The following B3GALT1 variants were observed in gnomAD, a reference collection of about 807,000 sequenced individuals.
B3GALT1 encodes the protein beta-1,3-galactosyltransferase 1, also known as UDP-Gal:betaGlcNAc beta 1,3-galactosyltransferase, polypeptide 1.
A neutral mutation model predicts 23.2 loss-of-function variants in B3GALT1; 10 were observed. The observed-to-expected ratio is 0.43, with a 90% CI of 0.27 to 0.73. The LOEUF (loss-of-function observed/expected upper bound fraction) is 0.73, where lower values mean the gene tolerates loss of function less well. Among genes scored for constraint, B3GALT1 ranks in the 30% least tolerant of loss-of-function variants. The pLI is 0.21. For missense variants in B3GALT1, 299 were observed against 405.4 expected, an observed-to-expected ratio of 0.74 and a Z score of 2.25; for synonymous variants, 156 against 141.5, an observed-to-expected ratio of 1.10 and a Z score of -0.73.
chr2:167,433,130 T>C (rs1698729655), intron 1 of B3GALT1, among the ~76,000 whole-genome samples: 1 of 152,246 alleles, frequency 6.6e-6, no homozygotes, highest in African/African-American at 2.4e-5. Flanking sequence ...CACTAATGGC[T>C]TTACGGCCTT....
intron 1 of B3GALT1, among the ~76,000 whole-genome samples, chr2:167,335,561 G>A (rs575485528): frequency 6.6e-6 from 1 of 152,142 alleles, no homozygotes; most frequent in Non-Finnish European, 1.5e-5. Flanking sequence ...CCGGGGAAGG[G>A]GGTGGGCAGT....
chr2:167,335,950 A>G (rs532808262), intron 1 of B3GALT1, among the ~76,000 whole-genome samples: 1 of 152,296 alleles, frequency 6.6e-6, no homozygotes, highest in South Asian at 2.1e-4. Flanking sequence ...CTCTGACAGT[A>G]TCAGATACTG....
intron 3 of B3GALT1, among the ~76,000 whole-genome samples, chr2:167,708,546 A>C (rs1041052038): frequency 1.1e-4 from 17 of 152,208 alleles, no homozygotes; most frequent in African/African-American, 3.4e-4. Flanking sequence ...CTGTAATCCT[A>C]GCTACTCAGG....
intron 1 of B3GALT1, among the ~76,000 whole-genome samples, chr2:167,449,365 A>T (rs1699052859): frequency 1.3e-5 from 2 of 152,004 alleles, no homozygotes; most frequent in African/African-American, 4.8e-5. Flanking sequence ...AAGCTATTGT[A>T]AAAGGTGTTG....
At chr2:167,340,335 ACAG>A (rs1284171106) in intron 1 of B3GALT1, among the ~76,000 whole-genome samples, 4 of 140,676 alleles carry the variant, frequency 2.8e-5, no homozygotes, top group African/African-American at 1.0e-4. Flanking sequence ...AAAAAAAAAA[ACAG>A]AGCTTTTGGC....
rs77375863 is a variant in B3GALT1, at chr2:167,488,275, G to C, written c.-510-1902G>C. On this transcript the variant is annotated intron_variant, in intron 1 of 4. Transcript: ENST00000392690. The stretch of plus-strand genomic sequence containing the variant: ...TTCATTCTGTTTTGATGCAACTCTT[G>C]GTTAAAATATAGGCCTTCTCCCAAT... Among the ~76,000 whole-genome samples, 827 of 152,248 alleles carry C rather than the reference G, an allele frequency of 5.4e-3. 8 individuals carry two copies. The highest frequency in any genetic ancestry group is 0.019 in the African/African-American group (799 of 41,548).
intron 3 of B3GALT1, among the ~76,000 whole-genome samples, chr2:167,759,376 C>T (rs936338570): frequency 1.3e-5 from 2 of 152,152 alleles, no homozygotes; most frequent in Non-Finnish European, 2.9e-5. Flanking sequence ...TGGGTTGAAC[C>T]GCTACATAGT....
At chr2:167,664,099 A>G (rs1476542831) in intron 3 of B3GALT1, among the ~76,000 whole-genome samples, 1 of 150,892 alleles carries the variant, frequency 6.6e-6, no homozygotes, top group Admixed American at 6.6e-5. Flanking sequence ...TTTTAGGTCT[A>G]ACGTTTAAGT....
chr2:167,638,321 G>T (rs978525186), intron 2 of B3GALT1, among the ~76,000 whole-genome samples: 7 of 152,080 alleles, frequency 4.6e-5, no homozygotes, highest in Non-Finnish European at 7.4e-5. Context: ...TGGCATGGCA[G>T]TCATATTTCA....
In B3GALT1 at chr2:167,489,562, T is replaced by C. The variant is rs530394661; in HGVS notation, c.-510-615T>C. On this transcript the variant is annotated intron_variant, in intron 1 of 4. Transcript: ENST00000392690. ...CTTGCGAGTTCCAGAAAAGAATGCCTGAGACTTTGTGTTGTTGGAAGGCTA... is the reference window on the plus strand; with the variant it reads ...CTTGCGAGTTCCAGAAAAGAATGCCCGAGACTTTGTGTTGTTGGAAGGCTA... 1.5e-3 allele frequency among the ~76,000 whole-genome samples: 232 copies of C among 152,290 alleles called. 1 individual carries two copies. Among genetic ancestry groups the C allele is most frequent in the Non-Finnish European group, 2.9e-3 (197 of 68,020 alleles).
intron 3 of B3GALT1, among the ~76,000 whole-genome samples, chr2:167,749,902 C>G (rs1050121374): frequency 6.6e-6 from 1 of 152,196 alleles, no homozygotes; most frequent in Non-Finnish European, 1.5e-5. Flanking sequence ...TGTATTTACA[C>G]CTATTTGCAT....
chr2:167,364,638 G>A (rs914618942), intron 1 of B3GALT1, among the ~76,000 whole-genome samples: 11 of 152,008 alleles, frequency 7.2e-5, no homozygotes, highest in African/African-American at 1.4e-4. Context: ...GGTTTCCAGC[G>A]TCATCCATGT....
chr2:167,754,611 A>T (rs1464875905), intron 3 of B3GALT1, among the ~76,000 whole-genome samples: 1 of 152,194 alleles, frequency 6.6e-6, no homozygotes, highest in Non-Finnish European at 1.5e-5. Context: ...TTAGAGTACC[A>T]AAAGAGAGGA....
chr2:167,589,182 A>T (rs1450095599), intron 2 of B3GALT1, among the ~76,000 whole-genome samples: 1 of 152,078 alleles, frequency 6.6e-6, no homozygotes, highest in Non-Finnish European at 1.5e-5. Context: ...CTGGGCTCAA[A>T]CAATCCTCCC....
intron 1 of B3GALT1, among the ~76,000 whole-genome samples, chr2:167,445,239 A>G (rs941090259): frequency 3.9e-5 from 6 of 152,276 alleles, no homozygotes; most frequent in African/African-American, 1.4e-4. Flanking sequence ...ACAGTTTGTT[A>G]TAATTTCTGT....
intron 3 of B3GALT1, among the ~76,000 whole-genome samples, chr2:167,661,244 T>C (rs1187945003): frequency 1.3e-5 from 2 of 152,152 alleles, no homozygotes; most frequent in African/African-American, 2.4e-5. Flanking sequence ...TAGTATTTTA[T>C]TGAAGATGCT....
chr2:167,447,419 GTTT>G (rs1221974192), intron 1 of B3GALT1, among the ~76,000 whole-genome samples: 1 of 152,214 alleles, frequency 6.6e-6, no homozygotes, highest in Non-Finnish European at 1.5e-5. Context: ...GTCTGCAGAA[GTTT>G]CTGCTACCTT....
At chr2:167,570,505 C>T (rs1684272916) in intron 2 of B3GALT1, among the ~76,000 whole-genome samples, 1 of 151,750 alleles carries the variant, frequency 6.6e-6, no homozygotes. Context: ...TATGTTTATG[C>T]ATTATTTGCT....
At chr2:167,674,730 G>A (rs994965037) in intron 3 of B3GALT1, among the ~76,000 whole-genome samples, 3 of 152,076 alleles carry the variant, frequency 2.0e-5, no homozygotes, top group African/African-American at 7.2e-5. Context: ...GACCAGGGAA[G>A]AAAAATCAAG....
Sources: allele counts gnomAD v4.1 joint callset (sites outside exome capture counted in the v4.1 genomes callset), GRCh38; gene constraint gnomAD v4.1.1; transcripts MANE v1.5; gene names NCBI Gene and HGNC (gene_info 2026-07-23, HGNC 2026-07-21).